Variants in GRB10 observed in about 807,000 individuals in gnomAD.
GRB10 encodes growth factor receptor-bound protein 10.
Under a neutral mutation model 80.9 loss-of-function variants are expected in GRB10, and 20 were observed. That is an observed-to-expected ratio of 0.25 (90% CI 0.17 to 0.36). The LOEUF (loss-of-function observed/expected upper bound fraction) is 0.36. Among genes scored for constraint, GRB10 ranks in the 10% least tolerant of loss-of-function variants. GRB10 has a pLI of 1.00. For missense variants in GRB10, 548 were observed against 747.7 expected, an observed-to-expected ratio of 0.73 and a Z score of 3.12; for synonymous variants, 291 against 291.5, an observed-to-expected ratio of 1.00 and a Z score of 0.02.
At chr7:50,749,285 TGC>T (rs2073710051) in intron 3 of GRB10, among the ~76,000 whole-genome samples, 1 of 151,974 alleles carries the variant, frequency 6.6e-6, no homozygotes, top group Non-Finnish European at 1.5e-5. Context: ...CTCACCACCA[TGC>T]CCAGCTAATT....
At chr7:50,757,957 T>G (rs376266160) in intron 2 of GRB10, among the ~76,000 whole-genome samples, 1 of 152,182 alleles carries the variant, frequency 6.6e-6, no homozygotes, top group Non-Finnish European at 1.5e-5. Context: ...ATTAAATACA[T>G]CACTGAGGTA....
chr7:50,714,923 T>G (rs1396877214), intron 4 of GRB10, among the ~76,000 whole-genome samples: 1 of 152,058 alleles, frequency 6.6e-6, no homozygotes, highest in Non-Finnish European at 1.5e-5. Context: ...ACCCACATTC[T>G]TCCCCCATGA....
intron 13 of GRB10, chr7:50,606,836 C>G (rs1563135873): frequency 4.2e-6 from 1 of 238,130 alleles, no homozygotes; most frequent in Non-Finnish European, 8.3e-6. Flanking sequence ...TACATGTTGA[C>G]ACAATGAATT....
At chr7:50,710,821 G>C (rs2065771606) in intron 4 of GRB10, 4 of 1,582,232 alleles carry the variant, frequency 2.5e-6, no homozygotes, top group Non-Finnish European at 3.5e-6. Context: ...CATAAATAAA[G>C]GGCTTGCCCA....
In GRB10 at chr7:50,592,904, A is replaced by C; in HGVS notation, c.*48T>G. 1 of 1,606,140 alleles carries C rather than the reference A, an allele frequency of 6.2e-7. No homozygotes were observed. The highest frequency in any genetic ancestry group is 8.5e-7 in the Non-Finnish European group (1 of 1,173,114). ...TCACCAACGCACAGACCGCTTCTTC[A>C]CTCCAGTGTTCACTTCCTCCAGTCT... On this transcript the variant is annotated 3_prime_UTR_variant, in exon 19 of 19. Transcript: ENST00000401949.
intron 4 of GRB10, among the ~76,000 whole-genome samples, chr7:50,722,215 CTGCCCACTCTCA>C (rs1377603372): frequency 6.6e-6 from 1 of 152,170 alleles, no homozygotes; most frequent in Non-Finnish European, 1.5e-5. Context: ...CCCCTCTGCC[CTGCCCACTCTCA>C]TGCCCACTCA....
chr7:50,719,629 C>T (rs2067403931), intron 4 of GRB10, among the ~76,000 whole-genome samples: 1 of 151,988 alleles, frequency 6.6e-6, no homozygotes, highest in African/African-American at 2.4e-5. Context: ...CACCATGGCA[C>T]ATGTATACCT....
At chr7:50,624,169 C>A (rs754257897) in intron 8 of GRB10, among the ~76,000 whole-genome samples, 19 of 152,192 alleles carry the variant, frequency 1.2e-4, no homozygotes, top group Non-Finnish European at 1.8e-4. Flanking sequence ...TTTGCCCCAG[C>A]CACCAGCCTG....
At chr7:50,784,987 A>G (rs923361871), upstream of GRB10, among the ~76,000 whole-genome samples, 3 of 152,220 alleles carry the variant, frequency 2.0e-5, no homozygotes, top group African/African-American at 4.8e-5. Context: ...TCTTTTCTGG[A>G]AGCAGGGACA....
intron 3 of GRB10, among the ~76,000 whole-genome samples, chr7:50,745,712 AAATG>A (rs1323202337): frequency 1.3e-5 from 2 of 152,264 alleles, no homozygotes; most frequent in Non-Finnish European, 2.9e-5. Context: ...TTTATAAACT[AAATG>A]CGCTCCAAAG....
In GRB10 at chr7:50,703,923, C is replaced by T; in HGVS notation, c.52-15G>A. On this transcript the variant is annotated splice_polypyrimidine_tract_variant and intron_variant, in intron 4 of 18. Coordinates refer to ENST00000401949, the MANE Select transcript of GRB10 (RefSeq NM_001350814.2). ...TCCACCTTGTCCTAAAAAAACAGGA[C>T]CGCAGCAGAAAGGCTGTGAGTTCAC... 1 of 1,599,322 alleles carries T rather than the reference C, an allele frequency of 6.3e-7. No homozygotes were observed. The highest frequency in any genetic ancestry group is 8.6e-7 in the Non-Finnish European group (1 of 1,167,286).
At chr7:50,653,608 C>T (rs1292548768) in intron 7 of GRB10, among the ~76,000 whole-genome samples, 3 of 152,120 alleles carry the variant, frequency 2.0e-5, no homozygotes, top group Non-Finnish European at 4.4e-5. Context: ...GCAGGAAGAG[C>T]CCTCCCAGCC....
chr7:50,751,866 A>G (rs1038468476), intron 3 of GRB10, among the ~76,000 whole-genome samples: 1 of 152,258 alleles, frequency 6.6e-6, no homozygotes, highest in Non-Finnish European at 1.5e-5. Context: ...TGAATTAGTG[A>G]ATGGTGAGTC....
At position 50,629,872 on chromosome 7, in the gene GRB10, A is replaced by G. The variant is rs183712745; in HGVS notation, c.505-2894T>C. Among the ~76,000 whole-genome samples, 837 of 152,302 alleles carry G rather than the reference A, an allele frequency of 5.5e-3. 25 individuals are homozygous for G. The highest frequency in any genetic ancestry group is 2.7e-3 in the Non-Finnish European group (186 of 68,016). ...TCCCTGGCCCATCCAGTGTTCAAGCATCTCACACGAGGTGGGCCTAGAAGG... is the reference window on the plus strand; with the variant it reads ...TCCCTGGCCCATCCAGTGTTCAAGCGTCTCACACGAGGTGGGCCTAGAAGG... On this transcript the variant is annotated intron_variant, in intron 7 of 18. Coordinates refer to ENST00000401949, the MANE Select transcript of GRB10 (RefSeq NM_001350814.2).
At chr7:50,635,961 CCTTTTT>C (rs2054919708) in intron 7 of GRB10, among the ~76,000 whole-genome samples, 1 of 104,310 alleles carries the variant, frequency 9.6e-6, no homozygotes, top group African/African-American at 3.8e-5. Flanking sequence ...TTTTTCCTTT[CCTTTTT>C]TTTTTTTTTT....
chr7:50,648,015 T>C (rs1299229217), intron 7 of GRB10, among the ~76,000 whole-genome samples: 1 of 152,094 alleles, frequency 6.6e-6, no homozygotes, highest in African/African-American at 2.4e-5. Flanking sequence ...AGGTGCCATG[T>C]TGGCAGCTGG....
chr7:50,608,175 T>C (rs2048871765), intron 13 of GRB10, among the ~76,000 whole-genome samples: 1 of 152,106 alleles, frequency 6.6e-6, no homozygotes, highest in Non-Finnish European at 1.5e-5. Context: ...GCATATATCA[T>C]GGAAAAATTG....
intron 8 of GRB10, among the ~76,000 whole-genome samples, chr7:50,621,529 C>T (rs1226014974): frequency 6.6e-6 from 1 of 152,244 alleles, no homozygotes; most frequent in Non-Finnish European, 1.5e-5. Context: ...GTGCAGCCTC[C>T]GGATGCAGCT....
rs555614168 is a variant in GRB10, at chr7:50,660,127, G to A, written c.504+9595C>T. Reference sequence around the variant, plus strand: ...AGGGGTGGGGCACAGTAGTGGTGCCGCGTTCATGCAGTAAAGGGGCATGGG... The same window carrying A: ...AGGGGTGGGGCACAGTAGTGGTGCCACGTTCATGCAGTAAAGGGGCATGGG... On this transcript the variant is annotated intron_variant, in intron 7 of 18. Coordinates refer to ENST00000401949, the MANE Select transcript of GRB10 (RefSeq NM_001350814.2). 1.4e-4 allele frequency among the ~76,000 whole-genome samples: 22 copies of A among 152,290 alleles called. 1 individual carries two copies. Among genetic ancestry groups the A allele is most frequent in the Middle Eastern group, 3.4e-3 (1 of 294 alleles).
Sources: gnomAD v4.1 joint callset for allele counts (sites outside exome capture counted in the v4.1 genomes callset) on GRCh38, gnomAD v4.1.1 for gene constraint, MANE v1.5 for transcripts, NCBI Gene and HGNC (gene_info 2026-07-23, HGNC 2026-07-21) for gene names.